DPYSL3: variants seen among roughly 807,000 people sequenced by gnomAD.
DPYSL3 encodes the protein dihydropyrimidinase-related protein 3.
In DPYSL3, 16 loss-of-function variants were observed where a neutral mutation model predicts 66.1. That is an observed-to-expected ratio of 0.24 (90% confidence interval 0.16 to 0.37). The LOEUF (loss-of-function observed/expected upper bound fraction) is 0.37, where lower values mean the gene tolerates loss of function less well. Among genes scored for constraint, DPYSL3 ranks in the 10% least tolerant of loss-of-function variants. DPYSL3 has a pLI of 1.00. For missense variants in DPYSL3, 738 were observed against 916.2 expected (o/e 0.81, Z 2.51); for synonymous variants, 338 against 345.1 (o/e 0.98, Z 0.23).
intron 1 of DPYSL3, chr5:147,453,594 G>A (rs943063693): frequency 1.3e-6 from 2 of 1,535,194 alleles, no homozygotes; most frequent in African/African-American, 1.4e-5. Context: ...ACATGGTGGC[G>A]GTGGTGGCTG....
chr5:147,421,237 C>A (rs1752071172), intron 2 of DPYSL3, among the ~76,000 whole-genome samples: 1 of 152,192 alleles, frequency 6.6e-6, no homozygotes, highest in African/African-American at 2.4e-5. Flanking sequence ...AATAGAGAGC[C>A]AAATCATGAG....
At chr5:147,429,665 A>G (rs1005167016) in intron 1 of DPYSL3, among the ~76,000 whole-genome samples, 3 of 152,186 alleles carry the variant, frequency 2.0e-5, no homozygotes, top group African/African-American at 7.2e-5. Context: ...CAAATGACAG[A>G]GTAGATTAGT....
intron 1 of DPYSL3, among the ~76,000 whole-genome samples, chr5:147,495,027 G>C (rs897460955): frequency 1.3e-5 from 2 of 152,040 alleles, no homozygotes; most frequent in African/African-American, 4.8e-5. Flanking sequence ...AATTTGAATA[G>C]GTAAGCCTGT....
intron 1 of DPYSL3, among the ~76,000 whole-genome samples, chr5:147,432,349 G>C (rs1045649430): frequency 2.0e-5 from 3 of 152,166 alleles, no homozygotes; most frequent in Non-Finnish European, 2.9e-5. Context: ...GGGCAGAGTG[G>C]CTGCTCTGTT....
chr5:147,405,848 G>T (rs1758313476), intron 7 of DPYSL3, 118 bp from the exon 8 acceptor site: 2 of 1,367,592 alleles, frequency 1.5e-6, no homozygotes, highest in Non-Finnish European at 9.9e-7. Context: ...ATTTTGGCAG[G>T]ATCTGGAATT....
chr5:147,489,883 C>T (rs1392160896), intron 1 of DPYSL3, among the ~76,000 whole-genome samples: 4 of 151,750 alleles, frequency 2.6e-5, no homozygotes, highest in African/African-American at 9.7e-5. Context: ...ATGGGCAAAC[C>T]TTACCATTAT....
In DPYSL3 at chr5:147,509,721, C is replaced by T; in HGVS notation, c.138G>A (p.Glu46=). 1 of 1,536,004 alleles carries T rather than the reference C, an allele frequency of 6.5e-7. No individual in the cohort carries two copies. The highest frequency in any genetic ancestry group is 1.2e-5 in the South Asian group (1 of 84,064). Residue 46 remains glutamate (E), a synonymous_variant, in exon 1 of 14, where the codon GAG becomes GAA. Coordinates refer to ENST00000343218, the MANE Select transcript of DPYSL3 (RefSeq NM_001197294.2). The surrounding 1 kb of genome is among the most constrained non-coding windows in gnomAD (Gnocchi z 5.3). The stretch of plus-strand genomic sequence containing the variant: ...GGGCATCGAAATCCAGCGTCTTGCT[C>T]TCGAAGGCGCCCTCCACGTTGCAGA... ...GMFCNVEGAF[E]SKTLDFDALS...
chr5:147,441,814 T>A (rs1269622600), intron 1 of DPYSL3, among the ~76,000 whole-genome samples: 1 of 152,168 alleles, frequency 6.6e-6, no homozygotes, highest in African/African-American at 2.4e-5. Flanking sequence ...TTTCCCACAA[T>A]TTCTCATAGC....
chr5:147,412,546 G>T, intron 6 of DPYSL3, 62 bp downstream of exon 6: 5 of 1,510,262 alleles, frequency 3.3e-6, no homozygotes, highest in Non-Finnish European at 4.5e-6. Flanking sequence ...CAGCACTGAA[G>T]AAATGAAGAA....
At chr5:147,486,200 T>C (rs1753327062) in intron 1 of DPYSL3, among the ~76,000 whole-genome samples, 1 of 152,190 alleles carries the variant, frequency 6.6e-6, no homozygotes, top group East Asian at 1.9e-4. Flanking sequence ...CTGGAGGTTG[T>C]GGTGTGATGA....
chr5:147,421,902 A>T (rs541218282), intron 2 of DPYSL3, among the ~76,000 whole-genome samples: 1 of 152,264 alleles, frequency 6.6e-6, no homozygotes, highest in African/African-American at 2.4e-5. Flanking sequence ...AAACCATAAA[A>T]ACCCTAGAAG....
rs1298476557 is a variant in DPYSL3 at position 147,497,303 on chromosome 5, T to C, written c.381+12175A>G. Among the ~76,000 whole-genome samples the C allele has an allele frequency of 2.0e-5, 3 of 151,766 alleles. No homozygotes were observed. In the East Asian group the frequency reaches 5.8e-4, roughly 29 times the overall value. On this transcript the variant is annotated intron_variant, in intron 1 of 13. Transcript: ENST00000343218. ...ATTAGGAGATATACCTAATGCTAAA[T>C]GACGAGTTAATGGGTGCAGCATACC... is the stretch of plus-strand genomic sequence containing the variant.
intron 1 of DPYSL3, among the ~76,000 whole-genome samples, chr5:147,475,342 A>G (rs767277368): frequency 1.3e-5 from 2 of 152,270 alleles, no homozygotes; most frequent in Non-Finnish European, 2.9e-5. Flanking sequence ...TGAAGTGTTC[A>G]AGGGATCTCT....
At chr5:147,508,883 G>A (rs1197619227) in intron 1 of DPYSL3, among the ~76,000 whole-genome samples, 1 of 152,100 alleles carries the variant, frequency 6.6e-6, no homozygotes, top group Non-Finnish European at 1.5e-5. Flanking sequence ...GTGAAATGCC[G>A]TGCTAAGACA....
intron 1 of DPYSL3, among the ~76,000 whole-genome samples, chr5:147,503,876 T>C (rs1249710369): frequency 1.3e-5 from 2 of 152,358 alleles, no homozygotes; most frequent in Admixed American, 6.5e-5. Flanking sequence ...GCTAATACTT[T>C]ATCCACTTTG....
chr5:147,497,916 TTC>T (rs371277889), intron 1 of DPYSL3, among the ~76,000 whole-genome samples: 11 of 149,102 alleles, frequency 7.4e-5, no homozygotes, highest in Admixed American at 2.1e-4. Flanking sequence ...CTCTCTCTCT[TTC>T]TCTCTCTCTC....
At chr5:147,476,494 T>C (rs1458449825) in intron 1 of DPYSL3, among the ~76,000 whole-genome samples, 1 of 152,182 alleles carries the variant, frequency 6.6e-6, no homozygotes, top group Non-Finnish European at 1.5e-5. Flanking sequence ...TTGGCTGCCT[T>C]ATGGGGATTT....
At chr5:147,403,945 C>A (rs1758264882) in intron 8 of DPYSL3, among the ~76,000 whole-genome samples, 1 of 152,050 alleles carries the variant, frequency 6.6e-6, no homozygotes, top group African/African-American at 2.4e-5. Flanking sequence ...AAAATAAGAC[C>A]AGCATATAAC....
intron 1 of DPYSL3, among the ~76,000 whole-genome samples, chr5:147,488,994 A>G (rs755815076): frequency 4.6e-4 from 70 of 152,064 alleles, no homozygotes; most frequent in Non-Finnish European, 8.1e-4. Flanking sequence ...CAGCCTGGGC[A>G]ACAAGAGTGA....
Sources: gnomAD v4.1 joint callset for allele counts (sites outside exome capture counted in the v4.1 genomes callset) on GRCh38, gnomAD v4.1.1 for gene constraint, Gnocchi (gnomAD v3.1) non-coding constraint, MANE v1.5 for transcripts, NCBI Gene and HGNC (gene_info 2026-07-23, HGNC 2026-07-21) for gene names.